RLN3: variants seen among roughly 807,000 people sequenced by gnomAD.
RLN3 encodes relaxin 3, also known as relaxin-3.
A neutral mutation model predicts 10.2 loss-of-function variants in RLN3; 13 were observed. That is an observed-to-expected ratio of 1.28 (90% CI 0.83 to 2.03). RLN3 has a LOEUF of 2.03. RLN3 is among the 30% of genes most tolerant of loss of function. The probability of loss-of-function intolerance (pLI) is 0.00; values close to 1 mark genes in which losing one functional copy is unlikely to be tolerated. For missense variants in RLN3, 191 were observed against 187.2 expected (o/e 1.02, Z -0.12); for synonymous variants, 56 against 79.2 (o/e 0.71, Z 1.56).
At chr19:14,029,788 C>T (rs999635821) in intron 1 of RLN3, among the ~76,000 whole-genome samples, 4 of 145,556 alleles carry the variant, frequency 2.7e-5, no homozygotes, top group East Asian at 2.0e-4. Context: ...TTGTTTGACA[C>T]AAAGTAAGTG....
chr19:14,031,428 C>G lies in RLN3; in HGVS notation c.*480C>G, dbSNP rs1975806038. 1 of 222,460 alleles carries G rather than the reference C, an allele frequency of 4.5e-6. No individual in the cohort carries two copies. The highest frequency in any genetic ancestry group is 8.8e-6 in the Non-Finnish European group (1 of 113,228). 13.8% of individuals were successfully genotyped at this position (222,460 alleles called of 1,614,324 possible). ...GCCCTGCTTTCCATCCCCTCTCCCT[C>G]CAACTCCCCTGCCAGAGTTCCAAGG... On this transcript the variant is annotated 3_prime_UTR_variant, in exon 2 of 2. Transcript: ENST00000431365.
In RLN3 at chr19:14,030,911, G is replaced by T; in HGVS notation, c.392G>T (p.Trp131Leu). 6.3e-7 allele frequency: 1 copy of T among 1,590,918 alleles called. No homozygotes were observed. Among genetic ancestry groups the T allele is most frequent in the Non-Finnish European group, 8.6e-7 (1 of 1,166,602 alleles). ...LAGLSSSCCK[W>L]GCSKSEISSL... is the part of the protein sequence containing the mutation. ...GGCCTTTCCAGCAGCTGCTGCAAGT[G>T]GGGGTGTAGCAAAAGTGAAATCAGT... The change falls in exon 2 of 2, where the codon TGG (tryptophan) becomes TTG (leucine). Residue 131 changes from tryptophan (W) to leucine (L), a missense_variant. Transcript: ENST00000431365.
chr19:14,030,625 G>A, intron 1 of RLN3, 85 bp from the exon 2 acceptor site: 1 of 1,152,080 alleles, frequency 8.7e-7, no homozygotes, highest in Non-Finnish European at 1.3e-6. Flanking sequence ...GTTGTCACAA[G>A]ATCAGAGCTA....
intron 1 of RLN3, chr19:14,030,429 G>A: frequency 2.9e-6 from 2 of 695,850 alleles, no homozygotes; most frequent in Middle Eastern, 2.5e-4. Context: ...GGTGGCTGAG[G>A]TGGGCACATC....
At chr19:14,029,972 C>T (rs1301318809) in intron 1 of RLN3, among the ~76,000 whole-genome samples, 1 of 151,880 alleles carries the variant, frequency 6.6e-6, no homozygotes, top group Non-Finnish European at 1.5e-5. Context: ...GGACTACAGG[C>T]TTGTGCCAAC....
In RLN3 at chr19:14,031,445, G is replaced by T. The variant is rs1975806427; in HGVS notation, c.*497G>T. The T allele has an allele frequency of 8.6e-6, 2 of 231,850 alleles. No homozygotes were observed. Among genetic ancestry groups the T allele is most frequent in the Non-Finnish European group, 1.7e-5 (2 of 118,684 alleles). 14.4% of individuals were successfully genotyped at this position (231,850 alleles called of 1,614,324 possible). A position where few individuals can be genotyped will look rare whatever the true frequency, so the allele number is the denominator to read the frequency against. ...CTCTCCCTCCAACTCCCCTGCCAGA[G>T]TTCCAAGGCTGTGGACCCCAGAGAA... On this transcript the variant is annotated 3_prime_UTR_variant, in exon 2 of 2. Transcript: ENST00000431365.
Position 14,031,140 on chromosome 19 carries a change from A to G in RLN3, c.*192A>G. On this transcript the variant is annotated 3_prime_UTR_variant, in exon 2 of 2. Coordinates refer to ENST00000431365, the MANE Select transcript of RLN3 (RefSeq NM_080864.4). ...TCCAACCCTGCCCTTTGACCAGCCT[A>G]TCATGACCCTGGCCCCTAAGGAAGC... 1 of 575,768 alleles carries G rather than the reference A, an allele frequency of 1.7e-6. No individual in the cohort carries two copies. 35.7% of individuals were successfully genotyped at this position (575,768 alleles called of 1,614,324 possible).
Position 14,031,276 on chromosome 19 carries a change from C to A in RLN3, c.*328C>A. ...ACACTCCACTGCCACAACTGGGTCCCTACTCTACCTAGGCTGGCCACACAG... is the reference window on the plus strand; with the variant it reads ...ACACTCCACTGCCACAACTGGGTCCATACTCTACCTAGGCTGGCCACACAG... On this transcript the variant is annotated 3_prime_UTR_variant, in exon 2 of 2. Coordinates refer to ENST00000431365, the MANE Select transcript of RLN3 (RefSeq NM_080864.4). 3.3e-6 allele frequency: 1 copy of A among 301,514 alleles called. No homozygotes were observed. The highest frequency in any genetic ancestry group is 6.2e-6 in the Non-Finnish European group (1 of 161,706). The allele number at this position is 301,514 out of a possible 1,614,324, so 18.7% of individuals were successfully genotyped here.
chr19:14,028,441 A>G, intron 1 of RLN3, 47 bp downstream of exon 1: 1 of 1,545,132 alleles, frequency 6.5e-7, no homozygotes, highest in Non-Finnish European at 8.8e-7. Context: ...AGGTGGCTGG[A>G]TGGGTCCCAG....
chr19:14,030,459 C>T (rs73519631), intron 1 of RLN3: 19 of 671,090 alleles, frequency 2.8e-5, no homozygotes, highest in Middle Eastern at 3.0e-4. Flanking sequence ...CAGGAGTTTG[C>T]GACCAGCCTG....
At position 14,028,405 on chromosome 19, in the gene RLN3, G is replaced by A. The variant is rs1975749350; in HGVS notation, c.190+11G>A. 18 of 1,602,730 alleles carry A rather than the reference G, an allele frequency of 1.1e-5. No homozygotes were observed. The highest frequency in any genetic ancestry group is 1.5e-5 in the Non-Finnish European group (18 of 1,174,208). On this transcript the variant is annotated intron_variant, in intron 1 of 1. Transcript: ENST00000431365. ...CCCACGAGGCTATGGGTGAGGCTGG[G>A]GAGAGAGTGGATGTAGAAGGGGAAC...
chr19:14,029,305 G>T (rs1433761305), intron 1 of RLN3, among the ~76,000 whole-genome samples: 1 of 151,858 alleles, frequency 6.6e-6, no homozygotes, highest in Non-Finnish European at 1.5e-5. Context: ...ACACCACTTG[G>T]ATTCAGATAG....
chr19:14,028,191 C>T lies in RLN3; in HGVS notation c.-14C>T, dbSNP rs1412945265. ...CACTGGCCCACTCTCACGTTCAAAG[C>T]ATCTCCGTCCAGCATGGCCAGGTAC... On this transcript the variant is annotated 5_prime_UTR_variant, in exon 1 of 2. Coordinates refer to ENST00000431365, the MANE Select transcript of RLN3 (RefSeq NM_080864.4). 8 of 1,550,884 alleles carry T rather than the reference C, an allele frequency of 5.2e-6. No homozygotes were observed. The highest frequency in any genetic ancestry group is 1.2e-5 in the South Asian group (1 of 81,978).
At chr19:14,030,283 T>C (rs1288922159) in intron 1 of RLN3, 1 of 702,978 alleles carries the variant, frequency 1.4e-6, no homozygotes. Flanking sequence ...ATTTACTTGC[T>C]CACGATTAGA....
rs1458951094 is a variant in RLN3 at position 14,030,751 on chromosome 19, G to A, written c.232G>A (p.Ala78Thr). 4 of 1,614,222 alleles carry A rather than the reference G, an allele frequency of 2.5e-6. No homozygotes were observed. Among genetic ancestry groups the A allele is most frequent in the South Asian group, 2.2e-5 (2 of 91,090 alleles). The part of the protein sequence containing the change: ...PDADADEDSL[A>T]GELDEAMGSS... ...TGCAGATGCTGATGAAGACAGTCTGGCAGGCGAGCTGGATGAGGCCATGGG... is the reference window on the plus strand; with the variant it reads ...TGCAGATGCTGATGAAGACAGTCTGACAGGCGAGCTGGATGAGGCCATGGG... Residue 78 changes from alanine (A) to threonine (T), a missense_variant, in exon 2 of 2, where the codon GCA (alanine) becomes ACA (threonine). Physicochemically the swap from Ala to Thr is moderately conservative, Grantham distance 58. Coordinates refer to ENST00000431365, the MANE Select transcript of RLN3 (RefSeq NM_080864.4).
chr19:14,029,669 G>A (rs935044329), intron 1 of RLN3, among the ~76,000 whole-genome samples: 2 of 151,814 alleles, frequency 1.3e-5, no homozygotes, highest in African/African-American at 4.8e-5. Flanking sequence ...TCTTTACTGA[G>A]TCCTGCCTCA....
In RLN3 at chr19:14,028,355, C is replaced by T. The variant is rs754250809; in HGVS notation, c.151C>T (p.Arg51Trp). The change falls in exon 1 of 2, where the codon CGG (arginine) becomes TGG (tryptophan). Residue 51 changes from arginine to tryptophan, a missense_variant. By Grantham distance (101) the Arg-to-Trp change is moderately radical (BLOSUM62 -3). Coordinates refer to ENST00000431365, the MANE Select transcript of RLN3 (RefSeq NM_080864.4). ...AGTCATCTTCACCTGCGGGGGCTCC[C>T]GGTGGAGACGATCAGACATCCTGGC... Reference protein sequence around the residue: ...RAVIFTCGGSRWRRSDILAHE... With the variant: ...RAVIFTCGGSWWRRSDILAHE... 2.0e-5 allele frequency: 32 copies of T among 1,613,256 alleles called. 1 individual carries two copies. The African/African-American group carries it at 2.3e-4, about 11-fold the overall frequency.
rs1444391127 is a variant in RLN3, at chr19:14,028,231, C to T, written c.27C>T (p.Leu9=). 6.2e-7 allele frequency: 1 copy of T among 1,605,798 alleles called. No homozygotes were observed. The stretch of plus-strand genomic sequence containing the variant: ...TGGCCAGGTACATGCTGCTGCTGCT[C>T]CTGGCGGTATGGGTGCTGACCGGGG... MARYMLLL[L]LAVWVLTGEL... is the part of the protein sequence containing the mutation. The change falls in exon 1 of 2, where the codon CTC becomes CTT. Residue 9 remains leucine, a synonymous_variant. Transcript: ENST00000431365.
Position 14,030,970 on chromosome 19 carries a change from G to A in RLN3, c.*22G>A. 6.6e-7 allele frequency: 1 copy of A among 1,506,396 alleles called. No individual in the cohort carries two copies. Among genetic ancestry groups the A allele is most frequent in the South Asian group, 1.3e-5 (1 of 78,038 alleles). The allele number at this position is 1,506,396 out of a possible 1,614,324, so 93.3% of individuals were successfully genotyped here. A position where few individuals can be genotyped will look rare whatever the true frequency, so the allele number is the denominator to read the frequency against. On this transcript the variant is annotated 3_prime_UTR_variant, in exon 2 of 2. Transcript: ENST00000431365. Reference sequence around the variant, plus strand: ...CTAGTTTGAGGGCTGGGCAGCCGTGGGCACCAGGACCAATGCCCCAGTCCT... The same window carrying A: ...CTAGTTTGAGGGCTGGGCAGCCGTGAGCACCAGGACCAATGCCCCAGTCCT...
Sources: gnomAD v4.1 joint callset for allele counts (sites outside exome capture counted in the v4.1 genomes callset) on GRCh38, gnomAD v4.1.1 for gene constraint, MANE v1.5 for transcripts, NCBI Gene and HGNC (gene_info 2026-07-23, HGNC 2026-07-21) for gene names.